Variants in ASMTL observed in about 807,000 individuals in gnomAD.
The protein encoded by ASMTL is acetylserotonin O-methyltransferase like.
In ASMTL, 57 loss-of-function variants were observed where a neutral mutation model predicts 60.3. That is an observed-to-expected ratio of 0.95 (90% CI 0.76 to 1.18). The LOEUF (loss-of-function observed/expected upper bound fraction) is 1.18. ASMTL is among the 50% of genes most tolerant of loss of function. ASMTL has a pLI of 0.00. For missense variants in ASMTL, 981 were observed against 852.6 expected, an observed-to-expected ratio of 1.15 and a Z score of -1.88; for synonymous variants, 419 against 373.0, an observed-to-expected ratio of 1.12 and a Z score of -1.42.
intron 2 of ASMTL, among the ~76,000 whole-genome samples, chrX:1,440,055 A>T (rs1464167746): frequency 1.6e-4 from 24 of 150,428 alleles, no homozygotes; most frequent in African/African-American, 5.9e-4. Context: ...AGCACGACTC[A>T]CAACAGCCTT....
rs1207730674 is a variant in ASMTL at position 1,432,316 on chromosome X, C to A, written c.462G>T (p.Glu154Asp). ...FYEETKVKFSELSEELLWEYV... is the reference protein window; with the variant it reads ...FYEETKVKFSDLSEELLWEYV... ...ATTCCCAGAGCAGCTCCTCGGACAG[C>A]TCCGAGAACTTCACCTTCGTTTCCT... Residue 154 changes from glutamate (E) to aspartate (D), a missense_variant, in exon 6 of 13, where the codon GAG becomes GAT. Transcript: ENST00000381317. 1.2e-6 allele frequency: 2 copies of A among 1,613,160 alleles called. No homozygotes were observed. Among genetic ancestry groups the A allele is most frequent in the Non-Finnish European group, 1.7e-6 (2 of 1,179,752 alleles).
intron 3 of ASMTL, 64 bp downstream of exon 3, chrX:1,439,033 A>G: frequency 6.5e-7 from 1 of 1,533,638 alleles, no homozygotes; most frequent in Non-Finnish European, 9.0e-7. Flanking sequence ...CACAAGAGGC[A>G]GAATCACCAA....
At chrX:1,441,844 T>A in intron 2 of ASMTL, 1 of 258,018 alleles carries the variant, frequency 3.9e-6, no homozygotes, top group Non-Finnish European at 7.4e-6. Flanking sequence ...TAAGCTACAT[T>A]AATTGTATAT....
chrX:1,406,329 A>G (rs1237863038), intron 12 of ASMTL, among the ~76,000 whole-genome samples: 2 of 151,438 alleles, frequency 1.3e-5, no homozygotes, highest in Non-Finnish European at 2.9e-5. Context: ...AGGTAGATGG[A>G]TGGATGGATT....
Position 1,412,990 on chromosome X carries a change from T to A in ASMTL, c.1523-136A>T, listed in dbSNP as rs1484592898. 1.7e-5 allele frequency: 16 copies of A among 930,184 alleles called. No homozygotes were observed. The African/African-American group carries it at 2.6e-4, about 15-fold the overall frequency. The allele number at this position is 930,184 out of a possible 1,614,324, so 57.6% of individuals were successfully genotyped here. A position where few individuals can be genotyped will look rare whatever the true frequency, so the allele number is the denominator to read the frequency against. ...GGGTGTGGGCGGGAATGGGTCTTCC[T>A]GAAGTACATCCCCGTGGGGACTTGA... On this transcript the variant is annotated intron_variant, in intron 11 of 12. Coordinates refer to ENST00000381317, the MANE Select transcript of ASMTL (RefSeq NM_004192.4).
At chrX:1,440,785 T>C (rs147623519) in intron 2 of ASMTL, among the ~76,000 whole-genome samples, 2,943 of 152,190 alleles carry the variant, frequency 0.019, 50 homozygotes, top group African/African-American at 0.046. Context: ...ATAATATGTA[T>C]TACATAGGAG....
chrX:1,432,645 C>A (rs867743271), intron 5 of ASMTL, among the ~76,000 whole-genome samples: 10 of 151,308 alleles, frequency 6.6e-5, no homozygotes, highest in African/African-American at 2.2e-4. Context: ...CTGGCTAACA[C>A]GGTGAAACCC....
chrX:1,415,980 C>A (rs181403761), intron 11 of ASMTL, among the ~76,000 whole-genome samples: 2,768 of 151,932 alleles, frequency 0.018, 43 homozygotes, highest in South Asian at 0.052. Context: ...GACAGGTACA[C>A]ACATGGACAC....
intron 10 of ASMTL, among the ~76,000 whole-genome samples, chrX:1,418,673 G>A (rs1290526728): frequency 1.3e-5 from 2 of 152,064 alleles, no homozygotes; most frequent in African/African-American, 4.8e-5. Context: ...CAGGGCTGGG[G>A]TGGGGTGGAG....
At chrX:1,438,880 G>T (rs1286404779) in intron 3 of ASMTL, among the ~76,000 whole-genome samples, 1 of 152,126 alleles carries the variant, frequency 6.6e-6, no homozygotes, top group Non-Finnish European at 1.5e-5. Flanking sequence ...GCCCACCTCG[G>T]CCTCCCAAAA....
chrX:1,417,756 ATGCTCC>A, intron 11 of ASMTL, among the ~76,000 whole-genome samples: 1 of 78,936 alleles, frequency 1.3e-5, no homozygotes, highest in Non-Finnish European at 2.9e-5. Context: ...ACGCACAGAC[ATGCTCC>A]ATGTCACAGG....
At chrX:1,411,899 G>T (rs1320871495) in intron 12 of ASMTL, among the ~76,000 whole-genome samples, 1 of 126,488 alleles carries the variant, frequency 7.9e-6, no homozygotes, top group Non-Finnish European at 1.6e-5. Flanking sequence ...TGCAACCTCC[G>T]TCTCCAGGTT....
At chrX:1,427,151 G>T (rs748193453) in intron 7 of ASMTL, among the ~76,000 whole-genome samples, 80 of 152,076 alleles carry the variant, frequency 5.3e-4, no homozygotes, top group African/African-American at 1.8e-3. Flanking sequence ...CAGAGGAGAA[G>T]GCCACGTGGA....
rs757216019 is a variant in ASMTL, at chrX:1,418,006, C to CG, written c.1488dup (p.Gly497ArgfsTer13). 8 of 1,612,948 alleles carry CG rather than the reference C, an allele frequency of 5.0e-6. No individual in the cohort carries two copies. The highest frequency in any genetic ancestry group is 4.5e-5 in the East Asian group (2 of 44,876). Reference sequence around the variant, plus strand: ...AAGTGGATCTGCACTGCCTGCGGTCCGGGGGGTTGGAAGTGGGCGGCCAGC... The same window carrying CG: ...AAGTGGATCTGCACTGCCTGCGGTCCGGGGGGGTTGGAAGTGGGCGGCCAGC... On this transcript the variant is annotated frameshift_variant, in exon 11 of 13. Coordinates refer to ENST00000381317, the MANE Select transcript of ASMTL (RefSeq NM_004192.4). LOFTEE classifies it high-confidence loss of function.
At chrX:1,425,102 A>G (rs1489011173) in intron 8 of ASMTL, among the ~76,000 whole-genome samples, 2 of 151,938 alleles carry the variant, frequency 1.3e-5, no homozygotes, top group African/African-American at 2.4e-5. Flanking sequence ...CCCATCATCT[A>G]TGTATCTGTC....
chrX:1,440,472 C>T (rs1292949163), intron 2 of ASMTL, among the ~76,000 whole-genome samples: 7 of 152,168 alleles, frequency 4.6e-5, no homozygotes, highest in Middle Eastern at 3.2e-3. Context: ...ACTCTATATC[C>T]TAAATGATAG....
At chrX:1,447,504 C>G (rs1418356878) in intron 1 of ASMTL, among the ~76,000 whole-genome samples, 11 of 151,288 alleles carry the variant, frequency 7.3e-5, no homozygotes, top group Non-Finnish European at 2.9e-5. Context: ...GGACACACAC[C>G]GCCATCTGGG....
intron 5 of ASMTL, among the ~76,000 whole-genome samples, chrX:1,433,960 C>A (rs867103982): frequency 6.6e-6 from 1 of 152,118 alleles, no homozygotes; most frequent in African/African-American, 2.4e-5. Flanking sequence ...CAGCAGTGAG[C>A]GGCAGGTGGG....
Position 1,407,531 on chromosome X carries a change from T to C in ASMTL, c.1646-4042A>G, listed in dbSNP as rs181140498. Among the ~76,000 whole-genome samples, 138 of 150,480 alleles carry C rather than the reference T, an allele frequency of 9.2e-4. 6 individuals are homozygous for C. The highest frequency in any genetic ancestry group is 3.2e-3 in the African/African-American group (130 of 40,204). The stretch of plus-strand genomic sequence containing the variant: ...GGGTGAATATATGGTAGATGATGGG[T>C]AGGTAGATGATGGATGGATGGATAG... On this transcript the variant is annotated intron_variant, in intron 12 of 12. Coordinates refer to ENST00000381317, the MANE Select transcript of ASMTL (RefSeq NM_004192.4).
Sources: allele counts gnomAD v4.1 joint callset (sites outside exome capture counted in the v4.1 genomes callset), GRCh38; gene constraint gnomAD v4.1.1; transcripts MANE v1.5; gene names NCBI Gene and HGNC (gene_info 2026-07-23, HGNC 2026-07-21).